Variants in SCN2A observed in about 807,000 individuals in gnomAD.
SCN2A encodes sodium channel protein type 2 subunit alpha.
SCN2A carries 20 observed loss-of-function variants against 188.7 expected under a neutral mutation model. The observed-to-expected ratio is 0.11, with a 90% CI of 0.07 to 0.15. The LOEUF (loss-of-function observed/expected upper bound fraction) is 0.15, where lower values mean the gene tolerates loss of function less well. Ranked by LOEUF, SCN2A falls within the 10% of genes least tolerant of loss-of-function variation. The pLI is 1.00. For missense variants in SCN2A, 1,278 were observed against 2,445.0 expected (o/e 0.52, Z 10.07); for synonymous variants, 804 against 833.1 (o/e 0.97, Z 0.60).
rs1697442037 is a variant in SCN2A, at chr2:165,311,774, GAA to G, written c.971-250_971-249del. 3.3e-5 allele frequency among the ~76,000 whole-genome samples: 5 copies of G among 152,106 alleles called. No individual in the cohort carries two copies. In the South Asian group the frequency reaches 1.0e-3, roughly 32 times the overall value. On this transcript the variant is annotated intron_variant, in intron 7 of 26. Transcript: ENST00000375437. The stretch of plus-strand genomic sequence containing the variant: ...ATATTTGCAATGAATGCTGATATAA[GAA>G]TGTTATCATAGTAATTCCTTCTGAA...
In SCN2A at chr2:165,374,728, A is replaced by G. The variant is rs1313047580; in HGVS notation, c.4016A>G (p.Asn1339Ser). 2 of 1,613,422 alleles carry G rather than the reference A, an allele frequency of 1.2e-6. No individual in the cohort carries two copies. Among genetic ancestry groups the G allele is most frequent in the Non-Finnish European group, 1.7e-6 (2 of 1,179,600 alleles). The change falls in exon 22 of 27, where the codon AAT (asparagine) becomes AGT (serine). Residue 1339 changes from asparagine (N) to serine (S), a missense_variant. Asn to Ser is a conservative substitution (Grantham distance 46). This residue lies in a region of SCN2A where 39 missense variants were observed against 130.2 expected (regional missense o/e 0.30). Transcript: ENST00000375437. ...ALLGAIPSIM[N>S]VLLVCLIFWL... Reference sequence around the variant, plus strand: ...TTAGGAGCCATTCCATCTATCATGAATGTACTTCTGGTTTGTCTGATCTTT... The same window carrying G: ...TTAGGAGCCATTCCATCTATCATGAGTGTACTTCTGGTTTGTCTGATCTTT...
chr2:165,307,112 C>T (rs140922838), intron 3 of SCN2A, among the ~76,000 whole-genome samples: 21 of 152,142 alleles, frequency 1.4e-4, no homozygotes, highest in Middle Eastern at 3.4e-3. Context: ...TTGTAATAAA[C>T]TGTGTTCTGT....
At chr2:165,328,986 C>CT (rs1269103949) in intron 13 of SCN2A, among the ~76,000 whole-genome samples, 5,317 of 89,068 alleles carry the variant, frequency 0.06, 131 homozygotes, top group African/African-American at 0.13. Context: ...TAAGATAGTC[C>CT]TTTTTTTTTT....
chr2:165,337,493 C>A (rs1309315187), intron 14 of SCN2A, among the ~76,000 whole-genome samples: 2 of 151,968 alleles, frequency 1.3e-5, no homozygotes, highest in African/African-American at 2.4e-5. Flanking sequence ...TAGTGAACAT[C>A]AACAGGATAA....
Position 165,313,697 on chromosome 2 carries a change from G to T in SCN2A, c.1112G>T (p.Ser371Ile). Residue 371 changes from serine to isoleucine, a missense_variant, in exon 9 of 27, where the codon AGT (serine) becomes ATT (isoleucine). Physicochemically the swap from Ser to Ile is moderately radical, Grantham distance 142. Coordinates refer to ENST00000375437, the MANE Select transcript of SCN2A (RefSeq NM_001040142.2). ...GGCTACACGAGCTTTGACACCTTTAGTTGGGCCTTTTTGTCCTTATTTCGT... is the reference window on the plus strand; with the variant it reads ...GGCTACACGAGCTTTGACACCTTTATTTGGGCCTTTTTGTCCTTATTTCGT... Reference protein sequence around the residue: ...NYGYTSFDTFSWAFLSLFRLM... With the variant: ...NYGYTSFDTFIWAFLSLFRLM... 1 of 1,613,690 alleles carries T rather than the reference G, an allele frequency of 6.2e-7. No homozygotes were observed.
intron 14 of SCN2A, among the ~76,000 whole-genome samples, chr2:165,339,125 G>A (rs939273153): frequency 2.0e-5 from 3 of 151,926 alleles, no homozygotes; most frequent in Non-Finnish European, 4.4e-5. Flanking sequence ...GGAGGCTGAG[G>A]CAGGAGAATT....
chr2:165,310,507 C>T lies in SCN2A; in HGVS notation c.882C>T (p.Ser294=). ...CTTCCTTTGAAATAAATATCACTTC[C>T]TTCTTTAACAATTCATTGGATGGGA... is the stretch of plus-strand genomic sequence containing the variant. The part of the protein sequence containing the change: ...DNSSFEINIT[S]FFNNSLDGNG... Residue 294 remains serine, a synonymous_variant, in exon 7 of 27, where the codon TCC becomes TCT. Transcript: ENST00000375437. The T allele has an allele frequency of 6.2e-7, 1 of 1,613,308 alleles. No homozygotes were observed. Among genetic ancestry groups the T allele is most frequent in the Non-Finnish European group, 8.5e-7 (1 of 1,179,414 alleles).
rs532905469 is a variant in SCN2A, at chr2:165,260,991, G to A, written c.-52+21351G>A. Among the ~76,000 whole-genome samples, 635 of 112,224 alleles carry A rather than the reference G, an allele frequency of 5.7e-3. 3 individuals carry two copies. The highest frequency in any genetic ancestry group is 9.5e-3 in the Middle Eastern group (2 of 210). 73.6% of individuals were successfully genotyped at this position (112,224 alleles called of 152,430 possible). ...GTCTCAAAAAAAAAAAAAAAAAAAGGTATGTGTGGTATTTGAATATAACCT... is the reference window on the plus strand; with the variant it reads ...GTCTCAAAAAAAAAAAAAAAAAAAGATATGTGTGGTATTTGAATATAACCT... On this transcript the variant is annotated intron_variant, in intron 1 of 26. Coordinates refer to ENST00000375437, the MANE Select transcript of SCN2A (RefSeq NM_001040142.2).
chr2:165,366,960 A>G (rs1417471333), intron 18 of SCN2A, among the ~76,000 whole-genome samples: 4 of 152,076 alleles, frequency 2.6e-5, no homozygotes, highest in Non-Finnish European at 4.4e-5. Flanking sequence ...TGGTTCTTCT[A>G]TTTTTTATAT....
chr2:165,386,673 C>A (rs1355868876), intron 25 of SCN2A, 73 bp from the exon 26 acceptor site: 8 of 1,448,044 alleles, frequency 5.5e-6, no homozygotes, highest in Non-Finnish European at 7.6e-6. Flanking sequence ...TTGTTGCTTT[C>A]TTAAAATCAG....
intron 1 of SCN2A, among the ~76,000 whole-genome samples, chr2:165,261,317 C>G (rs1207389603): frequency 6.6e-6 from 1 of 152,208 alleles, no homozygotes; most frequent in African/African-American, 2.4e-5. Flanking sequence ...GTGTCTTCCA[C>G]TTCTATATTT....
At chr2:165,386,707 A>T in intron 25 of SCN2A, 39 bp from the exon 26 acceptor site, 1 of 1,583,700 alleles carries the variant, frequency 6.3e-7, no homozygotes, top group African/African-American at 1.4e-5. Context: ...GATTTTTTTT[A>T]AGGTTTCTAA....
chr2:165,289,065 TC>T (rs904587654), intron 1 of SCN2A, among the ~76,000 whole-genome samples: 9 of 152,182 alleles, frequency 5.9e-5, no homozygotes, highest in Non-Finnish European at 8.8e-5. Context: ...TGCGCACTTA[TC>T]CACAACCACT....
intron 1 of SCN2A, among the ~76,000 whole-genome samples, chr2:165,277,434 T>C (rs1695396265): frequency 6.6e-6 from 1 of 152,178 alleles, no homozygotes; most frequent in South Asian, 2.1e-4. Flanking sequence ...AAAGCTTTTA[T>C]AGGGAGAATG....
chr2:165,374,759 A>G lies in SCN2A; in HGVS notation c.4047A>G (p.Leu1349=), dbSNP rs1319786832. ...NVLLVCLIFW[L]IFSIMGVNLF... ...TTCTGGTTTGTCTGATCTTTTGGCT[A>G]ATATTCAGTATCATGGGAGTGAATC... The change falls in exon 22 of 27, where the codon CTA becomes CTG. Residue 1349 remains leucine, a synonymous_variant. Coordinates refer to ENST00000375437, the MANE Select transcript of SCN2A (RefSeq NM_001040142.2). The G allele has an allele frequency of 6.2e-7, 1 of 1,613,482 alleles. No homozygotes were observed. The highest frequency in any genetic ancestry group is 8.5e-7 in the Non-Finnish European group (1 of 1,179,586).
chr2:165,241,781 A>G (rs1017151324), intron 1 of SCN2A, among the ~76,000 whole-genome samples: 1 of 152,214 alleles, frequency 6.6e-6, no homozygotes, highest in African/African-American at 2.4e-5. Context: ...GGGATTCAGA[A>G]CAAAACAATA....
chr2:165,288,504 A>G (rs1021022978), intron 1 of SCN2A, among the ~76,000 whole-genome samples: 15 of 151,902 alleles, frequency 9.9e-5, no homozygotes, highest in African/African-American at 3.6e-4. Context: ...ACTATAAAAA[A>G]TAAGTTAGTT....
rs1696489447 is a variant in SCN2A, at chr2:165,296,038, A to G, written c.215A>G (p.Glu72Gly). Residue 72 changes from glutamate to glycine, a missense_variant, in exon 2 of 27, where the codon GAG (glutamate) becomes GGG (glycine). Around this residue, in one of 17 missense-constraint regions of SCN2A, gnomAD observed 141 missense variants for 185.4 expected, o/e 0.76. Transcript: ENST00000375437. ...LPFIYGDIPP[E>G]MVSVPLEDLD... ...TTTATTTATGGAGACATTCCTCCAGAGATGGTGTCAGTGCCCCTGGAGGAT... is the reference window on the plus strand; with the variant it reads ...TTTATTTATGGAGACATTCCTCCAGGGATGGTGTCAGTGCCCCTGGAGGAT... 1.2e-6 allele frequency: 2 copies of G among 1,614,052 alleles called. No individual in the cohort carries two copies. The highest frequency in any genetic ancestry group is 1.7e-6 in the Non-Finnish European group (2 of 1,180,038).
chr2:165,312,378 T>C (rs1041804636), intron 8 of SCN2A, among the ~76,000 whole-genome samples: 2 of 152,170 alleles, frequency 1.3e-5, no homozygotes, highest in Admixed American at 6.6e-5. Flanking sequence ...ATAGAATTCT[T>C]AAGCACATAC....
Sources: allele counts gnomAD v4.1 joint callset (sites outside exome capture counted in the v4.1 genomes callset), GRCh38; gene constraint gnomAD v4.1.1; regional missense constraint gnomAD v4.1.1; transcripts MANE v1.5; gene names NCBI Gene and HGNC (gene_info 2026-07-23, HGNC 2026-07-21).